Variants in LRRC45 observed in about 807,000 individuals in gnomAD.
LRRC45 encodes the protein leucine rich repeat containing 45, also known as leucine-rich repeat-containing protein 45.
LRRC45 carries 73 observed loss-of-function variants against 85.4 expected under a neutral mutation model. The observed-to-expected ratio is 0.85, with a 90% CI of 0.71 to 1.04. LRRC45 has a LOEUF of 1.04. Ranked by LOEUF, LRRC45 falls within the 50% of genes least tolerant of loss-of-function variation. The pLI is 0.00. For missense variants in LRRC45, 937 were observed against 883.3 expected (o/e 1.06, Z -0.77); for synonymous variants, 429 against 386.0 (o/e 1.11, Z -1.31).
intron 6 of LRRC45, 54 bp from the exon 7 acceptor site, chr17:82,027,332 C>A: frequency 6.2e-7 from 1 of 1,602,496 alleles, no homozygotes; most frequent in South Asian, 1.1e-5. Flanking sequence ...CTGAGAAGGT[C>A]AGGTGGACAG....
In LRRC45 at chr17:82,025,414, C is replaced by T. The variant is rs900751872; in HGVS notation, c.568C>T (p.Arg190Trp). The change falls in exon 5 of 17, where the codon CGG (arginine) becomes TGG (tryptophan). Residue 190 changes from arginine (R) to tryptophan (W), a missense_variant. Physicochemically the swap from Arg to Trp is moderately radical, Grantham distance 101. Coordinates refer to ENST00000306688, the MANE Select transcript of LRRC45 (RefSeq NM_144999.4). Reference sequence around the variant, plus strand: ...GAATAACGTTGGCCTCCTGGGGGGCCGGGCCCTCATGAACTGTCTCCCCAG... The same window carrying T: ...GAATAACGTTGGCCTCCTGGGGGGCTGGGCCCTCATGAACTGTCTCCCCAG... ...RWNNVGLLGG[R>W]ALMNCLPSNR... 3.7e-6 allele frequency: 6 copies of T among 1,601,472 alleles called. No homozygotes were observed. Among genetic ancestry groups the T allele is most frequent in the Admixed American group, 1.7e-5 (1 of 58,726 alleles).
chr17:82,030,812 C>T lies in LRRC45; in HGVS notation c.*7C>T, dbSNP rs774685259. The T allele has an allele frequency of 1.3e-5, 18 of 1,336,942 alleles. No individual in the cohort carries two copies. In the African/African-American group the frequency reaches 2.6e-4, roughly 19 times the overall value. 82.8% of individuals were successfully genotyped at this position (1,336,942 alleles called of 1,614,324 possible). On this transcript the variant is annotated 3_prime_UTR_variant, in exon 17 of 17. Transcript: ENST00000306688. ...CCTGAGCCCCCCAAAGTGAGACAGG[C>T]CGGGAGGACCCGGGCGCAGTAGGAG...
chr17:82,024,035 G>C, intron 1 of LRRC45, 172 bp downstream of exon 1: 2 of 719,100 alleles, frequency 2.8e-6, no homozygotes, highest in East Asian at 2.7e-5. Context: ...CTGTATGACG[G>C]GGGAGAGGCC....
chr17:82,027,505 C>G, intron 7 of LRRC45, 61 bp downstream of exon 7: 1 of 1,604,584 alleles, frequency 6.2e-7, no homozygotes, highest in South Asian at 1.1e-5. Flanking sequence ...GGCTCAGACT[C>G]AGATGGGACC....
In LRRC45 at chr17:82,025,088, C is replaced by T. The variant is rs766683342; in HGVS notation, c.442C>T (p.Arg148Trp). The T allele has an allele frequency of 1.9e-5, 31 of 1,610,318 alleles. No homozygotes were observed. The East Asian group carries it at 2.9e-4, about 15-fold the overall frequency. ...GGLAANGALQRLDLRNNQISH... is the reference protein window; with the variant it reads ...GGLAANGALQWLDLRNNQISH... Reference sequence around the variant, plus strand: ...CCTGGCGGCCAACGGCGCCCTGCAGCGGCTGGACCTCCGCAACAACCAGAT... The same window carrying T: ...CCTGGCGGCCAACGGCGCCCTGCAGTGGCTGGACCTCCGCAACAACCAGAT... Residue 148 changes from arginine (R) to tryptophan (W), a missense_variant, in exon 4 of 17, where the codon CGG becomes TGG. Physicochemically the swap from Arg to Trp is moderately radical, Grantham distance 101. Transcript: ENST00000306688.
At position 82,024,741 on chromosome 17, in the gene LRRC45, C is replaced by A; in HGVS notation, c.331C>A (p.Gln111Lys). The A allele has an allele frequency of 6.3e-7, 1 of 1,578,884 alleles. No individual in the cohort carries two copies. The highest frequency in any genetic ancestry group is 8.6e-7 in the Non-Finnish European group (1 of 1,166,584). Residue 111 changes from glutamine (Q) to lysine (K), a missense_variant, in exon 3 of 17, where the codon CAA becomes AAA. Coordinates refer to ENST00000306688, the MANE Select transcript of LRRC45 (RefSeq NM_144999.4). ...AGAEALGKLL[Q>K]QNKSIQSLTL... The stretch of plus-strand genomic sequence containing the variant: ...GGCCGAGGCTCTGGGAAAACTCCTC[C>A]AACAGAACAAGTCCATTCAGAGGTG...
intron 5 of LRRC45, among the ~76,000 whole-genome samples, chr17:82,026,077 T>C (rs1013156912): frequency 6.6e-6 from 1 of 152,180 alleles, no homozygotes; most frequent in African/African-American, 2.4e-5. Flanking sequence ...TTCCAGCCCC[T>C]GTGCTGAGGG....
chr17:82,024,322 C>CCCT lies in LRRC45; in HGVS notation c.265_266insCCT (p.Arg89delinsProCys). 6.2e-7 allele frequency: 1 copy of CCCT among 1,612,416 alleles called. No homozygotes were observed. The highest frequency in any genetic ancestry group is 1.7e-5 in the Admixed American group (1 of 60,012). ...AGGCCTGTGTGCCAACACCGTGCTGCGCTTTCTGGACTTAAAGGTGAGATA... is the reference window on the plus strand; with the variant it reads ...AGGCCTGTGTGCCAACACCGTGCTGCCCTGCTTTCTGGACTTAAAGGTGAGATA... On this transcript the variant is annotated protein_altering_variant, in exon 2 of 17. Transcript: ENST00000306688.
chr17:82,028,745 C>A, intron 12 of LRRC45, 62 bp downstream of exon 12: 1 of 1,521,142 alleles, frequency 6.6e-7, no homozygotes, highest in Non-Finnish European at 8.9e-7. Flanking sequence ...CGCAGGTGTC[C>A]CCAAAGCACA....
intron 13 of LRRC45, 104 bp from the exon 14 acceptor site, chr17:82,029,439 G>A (rs2043397589): frequency 1.5e-6 from 2 of 1,309,788 alleles, no homozygotes; most frequent in South Asian, 2.6e-5. Context: ...TCAGGAGGCT[G>A]GCAGAGAGGA....
In LRRC45 at chr17:82,028,268, A is replaced by C; in HGVS notation, c.1082A>C (p.Asp361Ala). ...GAGCGGGAGTCTAAACTCCTCAGAG[A>C]CTTGTCTGCTGCCAATGAAAAGAAC... ...AAERESKLLR[D>A]LSAANEKNLL... is the part of the protein sequence containing the mutation. The change falls in exon 10 of 17, where the codon GAC becomes GCC. Residue 361 changes from aspartate to alanine, a missense_variant. Physicochemically the swap from Asp to Ala is moderately radical, Grantham distance 126 (BLOSUM62 -2). Transcript: ENST00000306688. 6.3e-7 allele frequency: 1 copy of C among 1,581,338 alleles called. No homozygotes were observed. Among genetic ancestry groups the C allele is most frequent in the Non-Finnish European group, 8.6e-7 (1 of 1,163,752 alleles).
In LRRC45 at chr17:82,024,263, G is replaced by GC; in HGVS notation, c.221-9dup. ...CAGCAGGGGCAGAGAGTGACCGCCG[G>GC]CCCCCCTTACACAGGGGCCACACTG... On this transcript the variant is annotated splice_polypyrimidine_tract_variant and intron_variant, in intron 1 of 16. Coordinates refer to ENST00000306688, the MANE Select transcript of LRRC45 (RefSeq NM_144999.4). 1.9e-6 allele frequency: 3 copies of GC among 1,610,852 alleles called. No homozygotes were observed. Among genetic ancestry groups the GC allele is most frequent in the Non-Finnish European group, 2.5e-6 (3 of 1,179,730 alleles).
At chr17:82,023,985 G>A in intron 1 of LRRC45, 122 bp downstream of exon 1, 2 of 970,750 alleles carry the variant, frequency 2.1e-6, no homozygotes, top group Non-Finnish European at 3.0e-6. Flanking sequence ...AAGCGAGCAG[G>A]GGCGCCCCTT....
In LRRC45 at chr17:82,023,537, C is replaced by T; in HGVS notation, c.-107C>T. The T allele has an allele frequency of 9.7e-7, 1 of 1,030,618 alleles. No homozygotes were observed. 63.8% of individuals were successfully genotyped at this position (1,030,618 alleles called of 1,614,324 possible). On this transcript the variant is annotated 5_prime_UTR_variant, in exon 1 of 17. Transcript: ENST00000306688. ...TCGGATTGCTCTCCGCCCGGGTCGG[C>T]GGAGGCCCCGTCTCCTGTACCCGGC...
intron 2 of LRRC45, 45 bp downstream of exon 2, chr17:82,024,384 G>T: frequency 6.2e-7 from 1 of 1,607,824 alleles, no homozygotes. Flanking sequence ...CCACCCAAGG[G>T]CAAGAGGAGA....
rs2043339533 is a variant in LRRC45 at position 82,023,881 on chromosome 17, GGT to G, written c.220+20_220+21del. The G allele has an allele frequency of 6.5e-7, 1 of 1,545,288 alleles. No individual in the cohort carries two copies. The highest frequency in any genetic ancestry group is 2.4e-5 in the East Asian group (1 of 41,116). On this transcript the variant is annotated intron_variant, in intron 1 of 16. Coordinates refer to ENST00000306688, the MANE Select transcript of LRRC45 (RefSeq NM_144999.4). Reference sequence around the variant, plus strand: ...CGAGGAAGGTGGGCAGGCGCGGCGGGGTGGATCCCTCTGCTCCTTAGCTGCCC... The same window carrying G: ...CGAGGAAGGTGGGCAGGCGCGGCGGGGGATCCCTCTGCTCCTTAGCTGCCC...
chr17:82,030,794 C>T lies in LRRC45; in HGVS notation c.2002C>T (p.Pro668Ser), dbSNP rs747007533. ...GGCGTCCCCCGTGAGGACCCTGAGC[C>T]CCCCAAAGTGAGACAGGCCGGGAGG... ...VQASPVRTLS[P>S]PK is the part of the protein sequence containing the mutation. Residue 668 changes from proline to serine, a missense_variant, in exon 17 of 17, where the codon CCC (proline) becomes TCC (serine). Coordinates refer to ENST00000306688, the MANE Select transcript of LRRC45 (RefSeq NM_144999.4). The T allele has an allele frequency of 5.1e-6, 7 of 1,377,444 alleles. No homozygotes were observed. In the Admixed American group the frequency reaches 7.8e-5, roughly 15 times the overall value. The allele number at this position is 1,377,444 out of a possible 1,614,324, so 85.3% of individuals were successfully genotyped here.
At chr17:82,023,922 G>T (rs890925624) in intron 1 of LRRC45, 59 bp downstream of exon 1, 3 of 1,457,286 alleles carry the variant, frequency 2.1e-6, no homozygotes, top group Non-Finnish European at 2.8e-6. Flanking sequence ...CCATTGCCTC[G>T]GCAGCCCGAG....
rs1167441502 is a variant in LRRC45, at chr17:82,024,259, G to T, written c.221-19G>T. On this transcript the variant is annotated intron_variant, in intron 1 of 16. Coordinates refer to ENST00000306688, the MANE Select transcript of LRRC45 (RefSeq NM_144999.4). The stretch of plus-strand genomic sequence containing the variant: ...GGGTCAGCAGGGGCAGAGAGTGACC[G>T]CCGGCCCCCCTTACACAGGGGCCAC... 1 of 1,610,262 alleles carries T rather than the reference G, an allele frequency of 6.2e-7. No homozygotes were observed. Among genetic ancestry groups the T allele is most frequent in the Admixed American group, 1.7e-5 (1 of 59,962 alleles).
Sources: gnomAD v4.1 joint callset for allele counts (sites outside exome capture counted in the v4.1 genomes callset) on GRCh38, gnomAD v4.1.1 for gene constraint, MANE v1.5 for transcripts, NCBI Gene and HGNC (gene_info 2026-07-23, HGNC 2026-07-21) for gene names.